Variants in EDIL3 observed in about 807,000 individuals in gnomAD.
EDIL3 encodes the protein EGF like and discoidin domains 3.
In EDIL3, 37 loss-of-function variants were observed where a neutral mutation model predicts 67.4. That is an observed-to-expected ratio of 0.55 (90% CI 0.42 to 0.72). The LOEUF is 0.72. EDIL3 is among the 30% of genes least tolerant of loss of function. EDIL3 has a pLI of 0.00. For synonymous variants in EDIL3, 195 were observed against 196.3 expected (o/e 0.99, Z 0.05); for missense variants, 527 against 586.3 (o/e 0.90, Z 1.04).
intron 10 of EDIL3, among the ~76,000 whole-genome samples, chr5:83,946,542 A>C (rs1049222326): frequency 5.9e-5 from 9 of 151,968 alleles, no homozygotes; most frequent in Non-Finnish European, 1.2e-4. Context: ...TACAAATCAG[A>C]TTCTTCAGAG....
Position 84,262,659 on chromosome 5 carries a change from GTTTTTTTTTTTTTTTTTT to G in EDIL3, c.68-8465_68-8448del, listed in dbSNP as rs773035274. ...AAACTACAATTCCCAAGGTTGGTTG[GTTTTTTTTTTTTTTTTTT>G]TTTTTTTTTTTTGAGATGAAGTCTC... On this transcript the variant is annotated intron_variant, in intron 1 of 10. Transcript: ENST00000296591. 1.9e-4 allele frequency among the ~76,000 whole-genome samples: 9 copies of G among 46,312 alleles called. No individual in the cohort carries two copies. The East Asian group carries it at 5.2e-3, about 27-fold the overall frequency. 30.4% of individuals were successfully genotyped at this position (46,312 alleles called of 152,430 possible). A position where few individuals can be genotyped will look rare whatever the true frequency, so the allele number is the denominator to read the frequency against.
intron 3 of EDIL3, among the ~76,000 whole-genome samples, chr5:84,185,280 C>T (rs1743379749): frequency 1.3e-5 from 2 of 152,114 alleles, no homozygotes; most frequent in African/African-American, 4.8e-5. Flanking sequence ...TAAGCACATT[C>T]CTATAAATAA....
chr5:84,059,279 T>C (rs1217424991), intron 9 of EDIL3, among the ~76,000 whole-genome samples: 3 of 151,970 alleles, frequency 2.0e-5, no homozygotes, highest in African/African-American at 7.2e-5. Context: ...GATGTGCACC[T>C]GTAGTCCTAG....
Position 84,304,017 on chromosome 5 carries a change from T to C in EDIL3, c.68-49805A>G, listed in dbSNP as rs1746217184. Among the ~76,000 whole-genome samples, 4 of 152,192 alleles carry C rather than the reference T, an allele frequency of 2.6e-5. No homozygotes were observed. The South Asian group carries it at 8.3e-4, about 32-fold the overall frequency. On this transcript the variant is annotated intron_variant, in intron 1 of 10. Coordinates refer to ENST00000296591, the MANE Select transcript of EDIL3 (RefSeq NM_005711.5). ...CCATATAAATTTATAATATTATTTT[T>C]AATGATTACAGAGTAATATACTCAT...
chr5:84,019,729 G>A (rs1745676681), intron 9 of EDIL3, among the ~76,000 whole-genome samples: 1 of 151,882 alleles, frequency 6.6e-6, no homozygotes, highest in Non-Finnish European at 1.5e-5. Context: ...ATTGTCCTTG[G>A]GCTTTGATAT....
chr5:84,384,503 C>T lies in EDIL3; in HGVS notation c.-129G>A, dbSNP rs935136941. 58 of 851,204 alleles carry T rather than the reference C, an allele frequency of 6.8e-5. No individual in the cohort carries two copies. The highest frequency in any genetic ancestry group is 6.6e-5 in the South Asian group (4 of 60,938). The allele number at this position is 851,204 out of a possible 1,614,324, so 52.7% of individuals were successfully genotyped here. A position where few individuals can be genotyped will look rare whatever the true frequency, so the allele number is the denominator to read the frequency against. Reference sequence around the variant, plus strand: ...AGAATTCAAGAAGACGTTCTCTTTCCTCAGCGCTTTGTTAAACAAATTCTT... The same window carrying T: ...AGAATTCAAGAAGACGTTCTCTTTCTTCAGCGCTTTGTTAAACAAATTCTT... On this transcript the variant is annotated 5_prime_UTR_variant, in exon 1 of 11. Transcript: ENST00000296591.
At chr5:83,999,735 A>C (rs1211451438) in intron 9 of EDIL3, among the ~76,000 whole-genome samples, 1 of 152,164 alleles carries the variant, frequency 6.6e-6, no homozygotes, top group Non-Finnish European at 1.5e-5. Flanking sequence ...ATTCAAAGGG[A>C]TAATAGCAGA....
intron 5 of EDIL3, among the ~76,000 whole-genome samples, chr5:84,110,307 A>T (rs1019829875): frequency 5.3e-5 from 8 of 152,174 alleles, no homozygotes; most frequent in Admixed American, 2.6e-4. Context: ...AAAGTTCAAA[A>T]TCCAATTTCC....
chr5:84,147,329 T>C (rs1748305994), intron 4 of EDIL3, among the ~76,000 whole-genome samples: 1 of 152,080 alleles, frequency 6.6e-6, no homozygotes, highest in Admixed American at 6.6e-5. Context: ...ATGGCATTAG[T>C]AGTGGTGTTG....
At chr5:84,199,986 GT>G (rs1200795413) in intron 3 of EDIL3, among the ~76,000 whole-genome samples, 1 of 152,012 alleles carries the variant, frequency 6.6e-6, no homozygotes, top group Non-Finnish European at 1.5e-5. Flanking sequence ...ATGTCTATGG[GT>G]TTTTTAAATT....
intron 9 of EDIL3, among the ~76,000 whole-genome samples, chr5:84,029,036 T>A (rs1489290359): frequency 6.6e-6 from 1 of 152,066 alleles, no homozygotes; most frequent in African/African-American, 2.4e-5. Context: ...GGCAGGTGGA[T>A]CACGAGGTCA....
chr5:84,031,961 A>G (rs1396278494), intron 9 of EDIL3, among the ~76,000 whole-genome samples: 1 of 152,232 alleles, frequency 6.6e-6, no homozygotes, highest in African/African-American at 2.4e-5. Flanking sequence ...GTAGTATTTG[A>G]AAAGCATACT....
At chr5:84,123,457 A>G (rs1277320192) in intron 5 of EDIL3, among the ~76,000 whole-genome samples, 2 of 151,900 alleles carry the variant, frequency 1.3e-5, no homozygotes, top group East Asian at 3.9e-4. Flanking sequence ...TTGCCTGTAT[A>G]TTTCTCTTTT....
chr5:84,207,434 G>A (rs1744006348), intron 3 of EDIL3, among the ~76,000 whole-genome samples: 1 of 152,150 alleles, frequency 6.6e-6, no homozygotes, highest in African/African-American at 2.4e-5. Context: ...ATGCTCATGG[G>A]TAGGAAGAAT....
intron 1 of EDIL3, among the ~76,000 whole-genome samples, chr5:84,271,416 CAAATAAAT>C (rs70975550): frequency 0.48 from 67,063 of 140,644 alleles, 16,136 homozygotes; most frequent in East Asian, 0.73. Flanking sequence ...TCTGTCTCTA[CAAATAAAT>C]AAATAAATAA....
chr5:84,355,360 G>A (rs1027525538), intron 1 of EDIL3, among the ~76,000 whole-genome samples: 2 of 151,832 alleles, frequency 1.3e-5, no homozygotes, highest in Non-Finnish European at 2.9e-5. Context: ...TCTCTAAACT[G>A]GTTATTCTAG....
Position 84,015,958 on chromosome 5 carries a change from G to A in EDIL3, c.1137+44342C>T, listed in dbSNP as rs1431178736. ...GTTACACAGGTCAACTTACTGGCAT[G>A]GGGGTCTGTAGTACAGATCCTCTCA... On this transcript the variant is annotated intron_variant, in intron 9 of 10. Transcript: ENST00000296591. 3.3e-5 allele frequency among the ~76,000 whole-genome samples: 5 copies of A among 152,192 alleles called. No homozygotes were observed. In the Middle Eastern group the frequency reaches 0.01, roughly 313 times the overall value.
intron 4 of EDIL3, among the ~76,000 whole-genome samples, chr5:84,156,638 C>T (rs1008327995): frequency 6.6e-6 from 1 of 152,116 alleles, no homozygotes; most frequent in Non-Finnish European, 1.5e-5. Context: ...TTAAATGTTG[C>T]TAATGAAGAG....
intron 6 of EDIL3, 144 bp downstream of exon 6, chr5:84,106,505 C>A (rs1747463701): frequency 4.2e-6 from 4 of 943,618 alleles, no homozygotes; most frequent in Non-Finnish European, 5.9e-6. Context: ...GAATTGGGAG[C>A]TAATTTGAAC....
Sources: gnomAD v4.1 joint callset for allele counts (sites outside exome capture counted in the v4.1 genomes callset) on GRCh38, gnomAD v4.1.1 for gene constraint, MANE v1.5 for transcripts, NCBI Gene and HGNC (gene_info 2026-07-23, HGNC 2026-07-21) for gene names.